DNER: variants seen among roughly 807,000 people sequenced by gnomAD.
DNER encodes the protein delta/notch like EGF repeat containing.
Under a neutral mutation model 78.2 loss-of-function variants are expected in DNER, and 33 were observed. That is an observed-to-expected ratio of 0.42 (90% CI 0.32 to 0.56). DNER has a LOEUF of 0.56. Ranked by LOEUF, DNER falls within the 20% of genes least tolerant of loss-of-function variation. DNER has a pLI of 0.11. For missense variants in DNER, 918 were observed against 975.3 expected (o/e 0.94, Z 0.78); for synonymous variants, 417 against 384.8 (o/e 1.08, Z -0.98).
At chr2:229,422,674 G>T (rs1169662909) in intron 8 of DNER, among the ~76,000 whole-genome samples, 2 of 152,144 alleles carry the variant, frequency 1.3e-5, no homozygotes, top group Non-Finnish European at 2.9e-5. Context: ...GGTCCAAGTG[G>T]CAGTTGGAAG....
At chr2:229,417,098 A>G (rs1193406612) in intron 9 of DNER, among the ~76,000 whole-genome samples, 2 of 152,224 alleles carry the variant, frequency 1.3e-5, no homozygotes, top group Non-Finnish European at 2.9e-5. Flanking sequence ...CTCCAACAGA[A>G]GCATCAGATC....
At chr2:229,427,604 G>T (rs1693906426) in intron 8 of DNER, among the ~76,000 whole-genome samples, 1 of 152,130 alleles carries the variant, frequency 6.6e-6, no homozygotes, top group Non-Finnish European at 1.5e-5. Flanking sequence ...CCTTGCCCCA[G>T]GGAGGCTGCC....
rs780899739 is a variant in DNER at position 229,447,530 on chromosome 2, T to C, written c.1272A>G (p.Gly424=). Residue 424 remains glycine, a synonymous_variant, in exon 8 of 13, where the codon GGA becomes GGG. Coordinates refer to ENST00000341772, the MANE Select transcript of DNER (RefSeq NM_139072.4). ...FTCQCPEGYF[G]SACEEKVDPC... is the part of the protein sequence containing the mutation. Reference sequence around the variant, plus strand: ...GGTCCACCTTTTCTTCACAAGCAGATCCGAAGTATCCTGTGAAAAAACACA... The same window carrying C: ...GGTCCACCTTTTCTTCACAAGCAGACCCGAAGTATCCTGTGAAAAAACACA... 4 of 1,614,002 alleles carry C rather than the reference T, an allele frequency of 2.5e-6. No homozygotes were observed. The highest frequency in any genetic ancestry group is 3.4e-6 in the Non-Finnish European group (4 of 1,179,946).
chr2:229,594,171 C>G (rs6727906), intron 1 of DNER, among the ~76,000 whole-genome samples: 4,834 of 152,340 alleles, frequency 0.032, 245 homozygotes, highest in African/African-American at 0.11. Context: ...GTAACAGGCA[C>G]AACACCTACC....
intron 1 of DNER, among the ~76,000 whole-genome samples, chr2:229,684,088 T>C (rs905402746): frequency 7.1e-6 from 1 of 141,574 alleles, no homozygotes; most frequent in African/African-American, 2.7e-5. Flanking sequence ...GAACAGGAGA[T>C]AGTACCTACC....
intron 1 of DNER, among the ~76,000 whole-genome samples, chr2:229,665,249 A>G (rs548209303): frequency 2.7e-4 from 41 of 152,300 alleles, no homozygotes; most frequent in African/African-American, 9.4e-4. Context: ...AAGACAACAA[A>G]TCTTGCCAGA....
intron 10 of DNER, among the ~76,000 whole-genome samples, chr2:229,393,959 G>A (rs1200601923): frequency 6.6e-6 from 1 of 152,206 alleles, no homozygotes; most frequent in Non-Finnish European, 1.5e-5. Flanking sequence ...GAAAGGATAT[G>A]AGGCCAAAAA....
chr2:229,486,355 T>A (rs977042), intron 6 of DNER, among the ~76,000 whole-genome samples: 40,504 of 147,516 alleles, frequency 0.27, 5,607 homozygotes, highest in South Asian at 0.36. Context: ...ATAATTAAAT[T>A]GGAATATGCA....
intron 4 of DNER, among the ~76,000 whole-genome samples, chr2:229,550,416 A>C (rs945922401): frequency 1.3e-5 from 2 of 152,196 alleles, no homozygotes; most frequent in African/African-American, 4.8e-5. Context: ...GAAATCTAGA[A>C]TACACAGTCC....
At chr2:229,526,328 C>T (rs1472718643) in intron 5 of DNER, among the ~76,000 whole-genome samples, 5 of 152,186 alleles carry the variant, frequency 3.3e-5, no homozygotes, top group Admixed American at 6.5e-5. Flanking sequence ...CCTGGGTTAA[C>T]GTATCATATT....
At chr2:229,630,409 G>A (rs1029102592) in intron 1 of DNER, among the ~76,000 whole-genome samples, 2 of 151,822 alleles carry the variant, frequency 1.3e-5, no homozygotes, top group African/African-American at 4.8e-5. Context: ...CCGGAAGGCA[G>A]AGGTTGCAGT....
At chr2:229,500,848 C>G (rs80106252) in intron 6 of DNER, among the ~76,000 whole-genome samples, 3 of 152,068 alleles carry the variant, frequency 2.0e-5, no homozygotes, top group Admixed American at 6.6e-5. Context: ...CTCTCACCCC[C>G]CTCCCGCCCT....
intron 4 of DNER, among the ~76,000 whole-genome samples, chr2:229,584,587 G>A (rs1285500747): frequency 6.6e-6 from 1 of 152,200 alleles, no homozygotes; most frequent in East Asian, 1.9e-4. Flanking sequence ...AGAGGCAGTG[G>A]GTCGGGGAGG....
At chr2:229,706,041 T>C in intron 1 of DNER, among the ~76,000 whole-genome samples, 1 of 152,132 alleles carries the variant, frequency 6.6e-6, no homozygotes, top group Non-Finnish European at 1.5e-5. Flanking sequence ...AGACAATGAC[T>C]GTACTCTTTC....
chr2:229,544,909 A>G (rs2154213147), intron 5 of DNER, among the ~76,000 whole-genome samples: 1 of 152,322 alleles, frequency 6.6e-6, no homozygotes, highest in Non-Finnish European at 1.5e-5. Context: ...TGACAAGAAC[A>G]GTACTTGAAA....
At chr2:229,408,714 C>T (rs1693442774) in intron 9 of DNER, among the ~76,000 whole-genome samples, 1 of 152,116 alleles carries the variant, frequency 6.6e-6, no homozygotes, top group African/African-American at 2.4e-5. Flanking sequence ...GAATAGGGCT[C>T]AGGAAGGAGG....
At chr2:229,644,335 T>C (rs1455131500) in intron 1 of DNER, among the ~76,000 whole-genome samples, 1 of 34,682 alleles carries the variant, frequency 2.9e-5, no homozygotes, top group African/African-American at 3.8e-4. Context: ...TTGCTTTCTC[T>C]TTTTTTTTTT....
At chr2:229,457,234 A>G (rs1694595219) in intron 7 of DNER, among the ~76,000 whole-genome samples, 1 of 152,080 alleles carries the variant, frequency 6.6e-6, no homozygotes, top group Non-Finnish European at 1.5e-5. Flanking sequence ...GAAGAAATTA[A>G]GGGCCCTAGA....
rs1175033043 is a variant in DNER, at chr2:229,367,195, A to G, written c.1856-76T>C. ...ATGAGAAGGCCTTTTTCATCTTTGC[A>G]TAGATAACTTAAAACCTAAGGGCCA... On this transcript the variant is annotated intron_variant, in intron 11 of 12. Coordinates refer to ENST00000341772, the MANE Select transcript of DNER (RefSeq NM_139072.4). 6 of 1,576,732 alleles carry G rather than the reference A, an allele frequency of 3.8e-6. No individual in the cohort carries two copies. The East Asian group carries it at 6.7e-5, about 18-fold the overall frequency.
Sources: gnomAD v4.1 joint callset for allele counts (sites outside exome capture counted in the v4.1 genomes callset) on GRCh38, gnomAD v4.1.1 for gene constraint, MANE v1.5 for transcripts, NCBI Gene and HGNC (gene_info 2026-07-23, HGNC 2026-07-21) for gene names.